KCMF1: variants seen among roughly 807,000 people sequenced by gnomAD.
KCMF1 encodes the protein potassium channel modulatory factor 1, also known as E3 ubiquitin-protein ligase KCMF1.
KCMF1 carries 3 observed loss-of-function variants against 41.1 expected under a neutral mutation model. The observed-to-expected ratio is 0.07, with a 90% CI of 0.03 to 0.19. KCMF1 has a LOEUF of 0.19. Ranked by LOEUF, KCMF1 falls within the 10% of genes least tolerant of loss-of-function variation. The pLI is 1.00. For synonymous variants in KCMF1, 142 were observed against 164.5 expected, an observed-to-expected ratio of 0.86 and a Z score of 1.04; for missense variants, 286 against 488.9, an observed-to-expected ratio of 0.58 and a Z score of 3.91.
At position 85,055,274 on chromosome 2, in the gene KCMF1, A is replaced by C. The variant is rs1247369300; in HGVS notation, c.*1865A>C. On this transcript the variant is annotated 3_prime_UTR_variant, in exon 7 of 7. Coordinates refer to ENST00000409785, the MANE Select transcript of KCMF1 (RefSeq NM_020122.5). Reference sequence around the variant, plus strand: ...ACTTGAATTTCTTTGGTGTTAGTGGATTAACCTAACCATTACTCTGAGATT... The same window carrying C: ...ACTTGAATTTCTTTGGTGTTAGTGGCTTAACCTAACCATTACTCTGAGATT... 6.6e-6 allele frequency: 1 copy of C among 152,206 alleles called. No homozygotes were observed. The highest frequency in any genetic ancestry group is 1.5e-5 in the Non-Finnish European group (1 of 68,030). The allele number at this position is 152,206 out of a possible 1,614,324, so 9.4% of individuals were successfully genotyped here. A position where few individuals can be genotyped will look rare whatever the true frequency, so the allele number is the denominator to read the frequency against.
At chr2:85,019,842 G>A (rs567823845) in intron 1 of KCMF1, among the ~76,000 whole-genome samples, 126 of 151,432 alleles carry the variant, frequency 8.3e-4, no homozygotes, top group African/African-American at 3.0e-3. Flanking sequence ...ATGTATATAT[G>A]TATCTGTATT....
At chr2:85,043,511 A>C in intron 3 of KCMF1, 53 bp from the exon 4 acceptor site, 1 of 1,006,208 alleles carries the variant, frequency 9.9e-7, no homozygotes, top group Non-Finnish European at 1.6e-6. Context: ...TCGTCCAGAA[A>C]GATGTCTTAT....
chr2:84,997,764 C>CTTTT lies in KCMF1; in HGVS notation c.16+26318_16+26321dup, dbSNP rs112460793. ...TGACTTACAGCAAAAAATACATTTTCTTTTTTTTTTTTTTTTTTTTTTTTG... is the reference window on the plus strand; with the variant it reads ...TGACTTACAGCAAAAAATACATTTTCTTTTTTTTTTTTTTTTTTTTTTTTTTTTG... On this transcript the variant is annotated intron_variant, in intron 1 of 6. Coordinates refer to ENST00000409785, the MANE Select transcript of KCMF1 (RefSeq NM_020122.5). Among the ~76,000 whole-genome samples, 124 of 80,252 alleles carry CTTTT rather than the reference C, an allele frequency of 1.5e-3. 1 individual carries two copies. The highest frequency in any genetic ancestry group is 2.6e-3 in the African/African-American group (51 of 19,956). The allele number at this position is 80,252 out of a possible 152,430, so 52.6% of individuals were successfully genotyped here.
At chr2:84,985,852 A>G (rs1673888653) in intron 1 of KCMF1, among the ~76,000 whole-genome samples, 1 of 152,026 alleles carries the variant, frequency 6.6e-6, no homozygotes, top group Non-Finnish European at 1.5e-5. Flanking sequence ...CCTTGGGCCT[A>G]GAAACTAGGT....
intron 1 of KCMF1, among the ~76,000 whole-genome samples, chr2:85,018,077 T>C (rs2104013837): frequency 6.6e-6 from 1 of 152,298 alleles, no homozygotes; most frequent in South Asian, 2.1e-4. Flanking sequence ...ATTTAGGTTT[T>C]ATCTGTGACA....
chr2:85,033,236 T>C lies in KCMF1; in HGVS notation c.185-1780T>C, dbSNP rs1675321225. Among the ~76,000 whole-genome samples, 3 of 152,232 alleles carry C rather than the reference T, an allele frequency of 2.0e-5. No homozygotes were observed. The South Asian group carries it at 6.2e-4, about 32-fold the overall frequency. ...AACAAATCTATCACGTAATGAACAC[T>C]TTCTTCCATTTTCTTTTCTCACAAA... On this transcript the variant is annotated intron_variant, in intron 2 of 6. Coordinates refer to ENST00000409785, the MANE Select transcript of KCMF1 (RefSeq NM_020122.5).
chr2:85,007,101 CAAAAAAAAAAAA>C (rs764401140), intron 1 of KCMF1, among the ~76,000 whole-genome samples: 2 of 51,904 alleles, frequency 3.9e-5, no homozygotes, highest in Admixed American at 4.1e-4. Context: ...AACTCAGTCT[CAAAAAAAAAAAA>C]AAAAAAAAAG....
chr2:84,984,073 A>G (rs1673835265), intron 1 of KCMF1, among the ~76,000 whole-genome samples: 2 of 152,122 alleles, frequency 1.3e-5, no homozygotes. Flanking sequence ...TTTGCTGACC[A>G]CCCTGTCTAA....
In KCMF1 at chr2:85,027,904, C is replaced by G. The variant is rs1675153370; in HGVS notation, c.32C>G (p.Ala11Gly). The G allele has an allele frequency of 6.2e-7, 1 of 1,607,074 alleles. No individual in the cohort carries two copies. Among genetic ancestry groups the G allele is most frequent in the Non-Finnish European group, 8.5e-7 (1 of 1,176,626 alleles). The part of the protein sequence containing the change: MSRHEGVSCD[A>G]CLKGNFRGRR... ...TTTTTTATAGGTGTCAGCTGTGATGCATGTTTAAAAGGAAATTTTCGAGGT... is the reference window on the plus strand; with the variant it reads ...TTTTTTATAGGTGTCAGCTGTGATGGATGTTTAAAAGGAAATTTTCGAGGT... Residue 11 changes from alanine (A) to glycine (G), a missense_variant, in exon 2 of 7, where the codon GCA becomes GGA. Coordinates refer to ENST00000409785, the MANE Select transcript of KCMF1 (RefSeq NM_020122.5).
At chr2:85,045,550 C>T (rs1029425784) in intron 4 of KCMF1, among the ~76,000 whole-genome samples, 14 of 152,166 alleles carry the variant, frequency 9.2e-5, no homozygotes, top group African/African-American at 2.9e-4. Flanking sequence ...TTTGTGGAAA[C>T]GTAAGGTTGT....
At chr2:85,033,023 G>A (rs1245633026) in intron 2 of KCMF1, among the ~76,000 whole-genome samples, 1 of 152,184 alleles carries the variant, frequency 6.6e-6, no homozygotes, top group Non-Finnish European at 1.5e-5. Flanking sequence ...TCTTTCACCA[G>A]TAAATGATGT....
intron 1 of KCMF1, among the ~76,000 whole-genome samples, chr2:85,013,455 A>G (rs1674694580): frequency 6.6e-6 from 1 of 152,156 alleles, no homozygotes; most frequent in Non-Finnish European, 1.5e-5. Flanking sequence ...CTTGCAGTAC[A>G]TTAAGGATTT....
chr2:84,997,863 T>A (rs1269078737), intron 1 of KCMF1, among the ~76,000 whole-genome samples: 1 of 141,588 alleles, frequency 7.1e-6, no homozygotes, highest in African/African-American at 2.6e-5. Context: ...GTCCGCCTCC[T>A]GGATTCAAGT....
In KCMF1 at chr2:85,053,307, T is replaced by C. The variant is rs1337888870; in HGVS notation, c.1044T>C (p.Gly348=). ...ATCGGGGGGAGATGGCAGATTTTGG[T>C]GCTATGGGCTGTGTAGATATTATGC... The part of the protein sequence containing the change: ...EDDRGEMADF[G]AMGCVDIMPL... The change falls in exon 7 of 7, where the codon GGT becomes GGC. Residue 348 remains glycine, a synonymous_variant. Transcript: ENST00000409785. 8.1e-6 allele frequency: 13 copies of C among 1,613,940 alleles called. No individual in the cohort carries two copies. The highest frequency in any genetic ancestry group is 1.1e-5 in the Non-Finnish European group (13 of 1,179,880).
At chr2:84,990,058 G>T (rs1313174227) in intron 1 of KCMF1, among the ~76,000 whole-genome samples, 1 of 152,170 alleles carries the variant, frequency 6.6e-6, no homozygotes, top group Non-Finnish European at 1.5e-5. Context: ...TCCTGAAGAA[G>T]AATATGGTCA....
At chr2:85,029,677 ATT>A (rs1178504248) in intron 2 of KCMF1, among the ~76,000 whole-genome samples, 16 of 130,656 alleles carry the variant, frequency 1.2e-4, no homozygotes, top group East Asian at 1.0e-3. Context: ...TCATGCTATA[ATT>A]TTTTTTTTTT....
chr2:85,014,726 T>C (rs1011088286), intron 1 of KCMF1, among the ~76,000 whole-genome samples: 8 of 117,122 alleles, frequency 6.8e-5, no homozygotes, highest in African/African-American at 2.2e-4. Context: ...CGTGCGTGCG[T>C]GTGTGTGTGT....
At chr2:85,036,343 G>T (rs1675402666) in intron 3 of KCMF1, among the ~76,000 whole-genome samples, 1 of 152,044 alleles carries the variant, frequency 6.6e-6, no homozygotes. Flanking sequence ...CTTCCTTTTG[G>T]TACAGTATGA....
chr2:85,008,270 A>AATATGATATATAATATATATC (rs1558573293), intron 1 of KCMF1, among the ~76,000 whole-genome samples: 1 of 101,410 alleles, frequency 9.9e-6, no homozygotes, highest in African/African-American at 4.0e-5. Context: ...TATCATATAT[A>AATATGATATATAATATATATC]ATATATAATA....
Sources: allele counts gnomAD v4.1 joint callset (sites outside exome capture counted in the v4.1 genomes callset), GRCh38; gene constraint gnomAD v4.1.1; transcripts MANE v1.5; gene names NCBI Gene and HGNC (gene_info 2026-07-23, HGNC 2026-07-21).